The following LRCH3 variants were observed in gnomAD, a reference collection of about 807,000 sequenced individuals.
LRCH3 encodes the protein DISP complex protein LRCH3.
In LRCH3, 68 loss-of-function variants were observed where a neutral mutation model predicts 104.5. The ratio of observed to expected loss-of-function variants is 0.65; its 90% CI spans 0.54 to 0.80. The LOEUF is 0.80. Among genes scored for constraint, LRCH3 ranks in the 30% least tolerant of loss-of-function variants. The pLI is 0.00. For missense variants in LRCH3, 951 were observed against 953.9 expected (o/e 1.00, Z 0.04); for synonymous variants, 344 against 361.3 (o/e 0.95, Z 0.54).
rs1714158637 is a variant in LRCH3 at position 197,885,849 on chromosome 3, G to A, written c.*2183G>A. The stretch of plus-strand genomic sequence containing the variant: ...GGAAGATATCTCTTTTGTTTCTGTA[G>A]TTGTTAACTGTTCTGGATTTTCTTT... On this transcript the variant is annotated 3_prime_UTR_variant, in exon 21 of 21. Transcript: ENST00000425562. 6.6e-6 allele frequency: 1 copy of A among 152,206 alleles called. No homozygotes were observed. The highest frequency in any genetic ancestry group is 6.5e-5 in the Admixed American group (1 of 15,282). The allele number at this position is 152,206 out of a possible 1,614,324, so 9.4% of individuals were successfully genotyped here. A position where few individuals can be genotyped will look rare whatever the true frequency, so the allele number is the denominator to read the frequency against.
intron 1 of LRCH3, among the ~76,000 whole-genome samples, chr3:197,806,390 G>C (rs1003426552): frequency 6.6e-6 from 1 of 151,974 alleles, no homozygotes; most frequent in Non-Finnish European, 1.5e-5. Flanking sequence ...GCCTCTCAAA[G>C]TGCTAGGATT....
At chr3:197,874,774 A>G (rs778090322) in intron 19 of LRCH3, among the ~76,000 whole-genome samples, 3 of 152,200 alleles carry the variant, frequency 2.0e-5, no homozygotes, top group African/African-American at 4.8e-5. Flanking sequence ...ATCAAAGCCA[A>G]TGTCTCAAGT....
intron 3 of LRCH3, among the ~76,000 whole-genome samples, 156 bp from the exon 4 acceptor site, chr3:197,820,169 T>C (rs1734324044): frequency 6.6e-6 from 1 of 152,228 alleles, no homozygotes; most frequent in South Asian, 2.1e-4. Context: ...TTTATTAATC[T>C]TCGAACCTGT....
intron 10 of LRCH3, among the ~76,000 whole-genome samples, chr3:197,843,722 G>C (rs1560571127): frequency 6.6e-6 from 1 of 152,118 alleles, no homozygotes; most frequent in Non-Finnish European, 1.5e-5. Flanking sequence ...TAAAAGTCTG[G>C]TTTACTTAGC....
chr3:197,836,817 A>G (rs1285014490), intron 9 of LRCH3, among the ~76,000 whole-genome samples: 1 of 152,124 alleles, frequency 6.6e-6, no homozygotes, highest in Non-Finnish European at 1.5e-5. Context: ...AGCTGGGATT[A>G]CAGGCACCTG....
At chr3:197,812,933 A>AT (rs1486403084) in intron 1 of LRCH3, among the ~76,000 whole-genome samples, 1 of 152,094 alleles carries the variant, frequency 6.6e-6, no homozygotes, top group African/African-American at 2.4e-5. Flanking sequence ...TCCGTGTTTG[A>AT]TTTTTTGAGG....
At chr3:197,792,077 G>T (rs1006654357) in intron 1 of LRCH3, among the ~76,000 whole-genome samples, 2 of 151,876 alleles carry the variant, frequency 1.3e-5, no homozygotes, top group African/African-American at 2.4e-5. Context: ...GAACCCGAGA[G>T]AAGTGTTGGG....
At chr3:197,811,890 T>G (rs1362696106) in intron 1 of LRCH3, among the ~76,000 whole-genome samples, 2 of 152,236 alleles carry the variant, frequency 1.3e-5, no homozygotes, top group African/African-American at 2.4e-5. Context: ...ATTATTCATT[T>G]TATTGCTGAG....
chr3:197,870,061 C>A, intron 17 of LRCH3, 99 bp from the exon 18 acceptor site: 1 of 1,218,184 alleles, frequency 8.2e-7, no homozygotes, highest in Non-Finnish European at 1.2e-6. Context: ...GGTAGAAAGC[C>A]ATGCACTGCA....
chr3:197,791,237 G>T (rs759357258), upstream of LRCH3: 6 of 1,596,632 alleles, frequency 3.8e-6, no homozygotes, highest in Non-Finnish European at 3.4e-6. Flanking sequence ...GTCCGGCCGC[G>T]CATGCGCTGA....
At chr3:197,809,682 G>A (rs632470) in intron 1 of LRCH3, among the ~76,000 whole-genome samples, 122,539 of 151,574 alleles carry the variant, frequency 0.81, 50,408 homozygotes, top group East Asian at 0.99. Context: ...TCTGCCCTCC[G>A]CTCTGCTGTT....
chr3:197,836,360 C>A (rs1459622761), intron 9 of LRCH3, among the ~76,000 whole-genome samples: 1 of 152,136 alleles, frequency 6.6e-6, no homozygotes, highest in African/African-American at 2.4e-5. Flanking sequence ...CATTGAATTG[C>A]CTTAGAAAAC....
Position 197,791,497 on chromosome 3 carries a change from C to A in LRCH3, c.219C>A (p.Pro73=). 1 of 1,599,828 alleles carries A rather than the reference C, an allele frequency of 6.3e-7. No individual in the cohort carries two copies. Among genetic ancestry groups the A allele is most frequent in the Non-Finnish European group, 8.5e-7 (1 of 1,174,928 alleles). The change falls in exon 1 of 21, where the codon CCC becomes CCA. Residue 73 remains proline, a synonymous_variant. Coordinates refer to ENST00000425562, the MANE Select transcript of LRCH3 (RefSeq NM_001365715.1). ...GCGGCCGGAAACTGAGGGAGTTTCC[C>A]CGGGGAGCGGCCAACCACGACCTGA... is the stretch of plus-strand genomic sequence containing the variant. The part of the protein sequence containing the change: ...SLSGRKLREF[P]RGAANHDLTD...
rs1714231400 is a variant in LRCH3, at chr3:197,886,813, A to AAC, written c.*3148_*3149insCA. The AAC allele has an allele frequency of 6.6e-6, 1 of 151,828 alleles. No homozygotes were observed. Among genetic ancestry groups the AAC allele is most frequent in the African/African-American group, 2.4e-5 (1 of 41,244 alleles). 9.4% of individuals were successfully genotyped at this position (151,828 alleles called of 1,614,324 possible). The stretch of plus-strand genomic sequence containing the variant: ...GAGCGAGACTCTGTCTCAAAAAAAA[A>AAC]AAAAAAAAAAAACCCACCAAACCAA... On this transcript the variant is annotated 3_prime_UTR_variant, in exon 21 of 21. Coordinates refer to ENST00000425562, the MANE Select transcript of LRCH3 (RefSeq NM_001365715.1).
chr3:197,878,426 G>C (rs576885135), intron 20 of LRCH3, among the ~76,000 whole-genome samples: 1 of 152,178 alleles, frequency 6.6e-6, no homozygotes, highest in Non-Finnish European at 1.5e-5. Flanking sequence ...GTTCCTACCA[G>C]AGCTGTGCTG....
At chr3:197,804,120 G>A (rs575309142) in intron 1 of LRCH3, among the ~76,000 whole-genome samples, 8 of 152,198 alleles carry the variant, frequency 5.3e-5, no homozygotes, top group East Asian at 3.9e-4. Flanking sequence ...TTAGCCAGGC[G>A]TGGTGGCGTG....
At chr3:197,832,625 A>G (rs1237575519) in intron 8 of LRCH3, among the ~76,000 whole-genome samples, 1 of 149,478 alleles carries the variant, frequency 6.7e-6, no homozygotes, top group African/African-American at 2.5e-5. Context: ...TTGAAGTAAC[A>G]TTCTCCCTTT....
chr3:197,840,732 A>ACATCT (rs10688757), intron 10 of LRCH3, among the ~76,000 whole-genome samples: 88,549 of 151,632 alleles, frequency 0.58, 26,244 homozygotes, highest in African/African-American at 0.69. Flanking sequence ...AAAAAGACAG[A>ACATCT]CATCACTGTG....
intron 15 of LRCH3, among the ~76,000 whole-genome samples, chr3:197,863,682 G>C (rs544869737): frequency 2.7e-4 from 41 of 152,290 alleles, no homozygotes; most frequent in African/African-American, 8.4e-4. Context: ...CTTTGTAACT[G>C]TTTGGCTAGT....
Sources: allele counts gnomAD v4.1 joint callset (sites outside exome capture counted in the v4.1 genomes callset), GRCh38; gene constraint gnomAD v4.1.1; transcripts MANE v1.5; gene names NCBI Gene and HGNC (gene_info 2026-07-23, HGNC 2026-07-21).